Variants in RMST observed in about 807,000 individuals in gnomAD.
RMST encodes long intergenic non-protein coding RNA 54.
At chr12:97,557,409 G>T (rs544744488) in intron 11 of RMST, among the ~76,000 whole-genome samples, 2 of 152,210 alleles carry the variant, frequency 1.3e-5, no homozygotes, top group Non-Finnish European at 2.9e-5. Flanking sequence ...TTAAAATCGG[G>T]ATTGGAAGGC....
intron 10 of RMST, among the ~76,000 whole-genome samples, chr12:97,505,786 A>C (rs1878599157): frequency 6.6e-6 from 1 of 152,232 alleles, no homozygotes; most frequent in African/African-American, 2.4e-5. Context: ...CAAGGTGCTT[A>C]AAATGAATTT....
intron 11 of RMST, among the ~76,000 whole-genome samples, chr12:97,553,893 G>A (rs1883488904): frequency 6.7e-6 from 1 of 150,252 alleles, no homozygotes; most frequent in East Asian, 2.0e-4. Context: ...TGATATATTT[G>A]CATAGTATAC....
At chr12:97,549,176 C>T (rs554648827) in intron 11 of RMST, among the ~76,000 whole-genome samples, 1 of 152,196 alleles carries the variant, frequency 6.6e-6, no homozygotes, top group Admixed American at 6.5e-5. Context: ...AAGTTGAAAT[C>T]TCCTTAAGGG....
chr12:97,555,096 A>G (rs1454750659), intron 11 of RMST, among the ~76,000 whole-genome samples: 1 of 152,228 alleles, frequency 6.6e-6, no homozygotes, highest in African/African-American at 2.4e-5. Flanking sequence ...CCCATTCTGT[A>G]CTAAAAAGTC....
At chr12:97,552,708 G>T (rs1282455765) in intron 11 of RMST, among the ~76,000 whole-genome samples, 1 of 152,188 alleles carries the variant, frequency 6.6e-6, no homozygotes, top group Non-Finnish European at 1.5e-5. Flanking sequence ...TTTTGTTGTT[G>T]TTGTTGCTGT....
At chr12:97,535,158 T>C (rs1001894239) in intron 11 of RMST, among the ~76,000 whole-genome samples, 3 of 151,688 alleles carry the variant, frequency 2.0e-5, no homozygotes, top group Non-Finnish European at 4.4e-5. Context: ...GTAATTTGTT[T>C]AATAAAATCA....
chr12:97,462,873 G>T (rs1398005831), intron 3 of RMST: 1 of 152,226 alleles, frequency 6.6e-6, no homozygotes, highest in Non-Finnish European at 1.5e-5. Flanking sequence ...CACTTTCCTG[G>T]TGAGAATCCC....
intron 10 of RMST, among the ~76,000 whole-genome samples, chr12:97,503,049 A>T (rs1229049897): frequency 6.6e-6 from 1 of 152,150 alleles, no homozygotes; most frequent in East Asian, 1.9e-4. Context: ...GCAATAGCTA[A>T]AAGTTAGTAT....
intron 10 of RMST, among the ~76,000 whole-genome samples, chr12:97,524,675 C>T (rs975495069): frequency 6.6e-6 from 1 of 152,160 alleles, no homozygotes; most frequent in Non-Finnish European, 1.5e-5. Context: ...TCACCACCCC[C>T]TTGTAAATAC....
intron 10 of RMST, among the ~76,000 whole-genome samples, chr12:97,500,896 T>C (rs1398917822): frequency 1.3e-5 from 2 of 152,218 alleles, no homozygotes; most frequent in Non-Finnish European, 2.9e-5. Context: ...CAGAATACAA[T>C]TGAATTACTA....
chr12:97,498,089 C>G (rs1877656707), intron 10 of RMST, among the ~76,000 whole-genome samples: 1 of 152,088 alleles, frequency 6.6e-6, no homozygotes, highest in Non-Finnish European at 1.5e-5. Flanking sequence ...CTCCTTGGGT[C>G]TAGGGGTGTT....
intron 5 of RMST, among the ~76,000 whole-genome samples, chr12:97,468,927 T>C (rs1873541352): frequency 6.6e-6 from 1 of 151,974 alleles, no homozygotes; most frequent in African/African-American, 2.4e-5. Flanking sequence ...TTTGTCACCA[T>C]TAGTTCAGTA....
At chr12:97,499,068 A>G (rs1314067517) in intron 10 of RMST, among the ~76,000 whole-genome samples, 1 of 152,146 alleles carries the variant, frequency 6.6e-6, no homozygotes, top group African/African-American at 2.4e-5. Context: ...TGACATCCTC[A>G]AAGGCTGCCT....
chr12:97,482,817 ATTATTTATTTATTAAATAAATTTAT>A, intron 5 of RMST, among the ~76,000 whole-genome samples: 1 of 141,964 alleles, frequency 7.0e-6, no homozygotes, highest in Admixed American at 6.9e-5. Context: ...ATAAATTTAT[ATTATTTATTTATTAAATAAATTTAT>A]TTATTTATTT....
At chr12:97,556,696 T>C (rs905077312) in intron 11 of RMST, among the ~76,000 whole-genome samples, 4 of 152,156 alleles carry the variant, frequency 2.6e-5, no homozygotes, top group Non-Finnish European at 5.9e-5. Context: ...CAGTGGAGCT[T>C]GGAGCCTCTT....
At chr12:97,495,318 G>A (rs7132990) in intron 9 of RMST, among the ~76,000 whole-genome samples, 69,763 of 151,816 alleles carry the variant, frequency 0.46, 16,830 homozygotes, top group Middle Eastern at 0.6. Flanking sequence ...AAGAGGACAT[G>A]AGGATTGTGA....
At chr12:97,471,229 T>C (rs1372559754) in intron 5 of RMST, among the ~76,000 whole-genome samples, 1 of 152,094 alleles carries the variant, frequency 6.6e-6, no homozygotes, top group African/African-American at 2.4e-5. Context: ...TAGGGCTTCC[T>C]TCAAGGAGGT....
chr12:97,548,206 T>G, intron 11 of RMST, among the ~76,000 whole-genome samples: 1 of 152,142 alleles, frequency 6.6e-6, no homozygotes, highest in East Asian at 1.9e-4. Flanking sequence ...TGACCATAAA[T>G]GGGTGGGTTT....
At chr12:97,496,678 G>A (rs1877457063) in intron 10 of RMST, among the ~76,000 whole-genome samples, 1 of 152,236 alleles carries the variant, frequency 6.6e-6, no homozygotes, top group African/African-American at 2.4e-5. Context: ...TGTGTTGGAT[G>A]TCTTTTTCTC....
Sources: allele counts gnomAD v4.1 joint callset (sites outside exome capture counted in the v4.1 genomes callset), GRCh38; gene constraint gnomAD v4.1.1; transcripts MANE v1.5; gene names NCBI Gene and HGNC (gene_info 2026-07-23, HGNC 2026-07-21).